The following RAB6A variants were observed in gnomAD, a reference collection of about 807,000 sequenced individuals.
RAB6A encodes the protein RAB6A, member RAS oncogene family.
RAB6A carries 8 observed loss-of-function variants against 32.3 expected under a neutral mutation model. That is an observed-to-expected ratio of 0.25 (90% CI 0.15 to 0.45). The LOEUF (loss-of-function observed/expected upper bound fraction) is 0.45, where lower values mean the gene tolerates loss of function less well. RAB6A is among the 20% of genes least tolerant of loss of function. RAB6A has a pLI of 1.00. For synonymous variants in RAB6A, 73 were observed against 82.1 expected (o/e 0.89, Z 0.60); for missense variants, 104 against 249.4 (o/e 0.42, Z 3.93).
intron 1 of RAB6A, among the ~76,000 whole-genome samples, chr11:73,753,208 C>T (rs1445257463): frequency 2.0e-5 from 3 of 152,144 alleles, no homozygotes; most frequent in African/African-American, 7.2e-5. Flanking sequence ...TATAATGGCA[C>T]CCCTGTACTG....
intron 6 of RAB6A, among the ~76,000 whole-genome samples, chr11:73,687,413 G>T (rs1945476632): frequency 6.6e-6 from 1 of 152,164 alleles, no homozygotes; most frequent in African/African-American, 2.4e-5. Context: ...CAAACTCTTG[G>T]GCTCAAGCAA....
rs929469291 is a variant in RAB6A, at chr11:73,677,324, G to C, written c.*574C>G. On this transcript the variant is annotated 3_prime_UTR_variant, in exon 8 of 8. Transcript: ENST00000336083. ...TCAAAGAAGACCGTAATTTATATCA[G>C]TGCTCAAGAATAATTTTGGACATCT... 3 of 169,834 alleles carry C rather than the reference G, an allele frequency of 1.8e-5. No individual in the cohort carries two copies. The highest frequency in any genetic ancestry group is 7.2e-5 in the African/African-American group (3 of 41,494). 10.5% of individuals were successfully genotyped at this position (169,834 alleles called of 1,614,324 possible).
intron 5 of RAB6A, among the ~76,000 whole-genome samples, chr11:73,708,806 C>T (rs952768488): frequency 6.6e-6 from 1 of 152,126 alleles, no homozygotes; most frequent in Non-Finnish European, 1.5e-5. Context: ...TGCAAGTGTG[C>T]CCTTATATCC....
At chr11:73,745,553 T>C (rs928487945) in intron 1 of RAB6A, among the ~76,000 whole-genome samples, 33 of 152,192 alleles carry the variant, frequency 2.2e-4, no homozygotes, top group African/African-American at 5.3e-4. Flanking sequence ...GAGACCAGCC[T>C]GACCAACATG....
Position 73,722,327 on chromosome 11 carries a change from ATATATATATATATATATTTTTTTTT to A in RAB6A, c.130-1453_130-1429del, listed in dbSNP as rs1167422044. ...TGTGTATATATATATATATATATAT[ATATATATATATATATATTTTTTTTT>A]TTTTTTTTTTTTTTTGAGACAGTCT... On this transcript the variant is annotated intron_variant, in intron 2 of 7. Transcript: ENST00000336083. 3.3e-3 allele frequency: 39 copies of A among 11,966 alleles called. 2 individuals carry two copies. In the East Asian group the frequency reaches 0.051, roughly 16 times the overall value. 0.7% of individuals were successfully genotyped at this position (11,966 alleles called of 1,614,324 possible).
intron 2 of RAB6A, among the ~76,000 whole-genome samples, chr11:73,724,950 A>G (rs1015761749): frequency 6.6e-6 from 1 of 152,228 alleles, no homozygotes; most frequent in Non-Finnish European, 1.5e-5. Context: ...TGCCTGATAT[A>G]TAACAAAAAC....
intron 2 of RAB6A, among the ~76,000 whole-genome samples, chr11:73,724,498 T>G (rs1366137662): frequency 6.6e-6 from 1 of 150,446 alleles, no homozygotes; most frequent in Non-Finnish European, 1.5e-5. Flanking sequence ...TTTTTTTTTT[T>G]TTTTTGAGAC....
At chr11:73,710,830 C>T (rs550431654) in intron 5 of RAB6A, among the ~76,000 whole-genome samples, 1 of 151,736 alleles carries the variant, frequency 6.6e-6, no homozygotes, top group South Asian at 2.1e-4. Flanking sequence ...CTCACTGTAA[C>T]CTCGAACTCC....
intron 2 of RAB6A, among the ~76,000 whole-genome samples, chr11:73,727,641 A>C (rs1218556029): frequency 1.3e-5 from 2 of 152,202 alleles, no homozygotes; most frequent in Non-Finnish European, 2.9e-5. Flanking sequence ...TAAAAAAGAA[A>C]TGCCCATGTT....
intron 6 of RAB6A, among the ~76,000 whole-genome samples, chr11:73,700,561 G>C (rs1055841848): frequency 2.4e-5 from 3 of 126,834 alleles, no homozygotes; most frequent in African/African-American, 9.0e-5. Context: ...TCCAGCCTGG[G>C]TGACAGAGCA....
rs189682673 is a variant in RAB6A at position 73,704,577 on chromosome 11, C to T, written c.495+2843G>A. ...GCGCTCGACTGTAGTCCCAGCTACT[C>T]GGGAGGCTGCGGCAGGAGAATCACT... On this transcript the variant is annotated intron_variant, in intron 6 of 7. Transcript: ENST00000336083. Among the ~76,000 whole-genome samples the T allele has an allele frequency of 9.1e-3, 1,387 of 151,640 alleles. 14 individuals carry two copies. Among genetic ancestry groups the T allele is most frequent in the Middle Eastern group, 0.034 (10 of 294 alleles).
chr11:73,713,565 CA>C (rs61588604), intron 5 of RAB6A, among the ~76,000 whole-genome samples: 78,826 of 124,686 alleles, frequency 0.63, 22,657 homozygotes, highest in East Asian at 0.73. Context: ...GACTCCGTCT[CA>C]AAAAAAAAAA....
intron 6 of RAB6A, among the ~76,000 whole-genome samples, chr11:73,682,621 C>A (rs1218911762): frequency 1.3e-5 from 2 of 152,092 alleles, no homozygotes; most frequent in Non-Finnish European, 2.9e-5. Context: ...CAAGATGGTG[C>A]CACTGCACTC....
At chr11:73,734,068 C>G (rs1017865131) in intron 1 of RAB6A, among the ~76,000 whole-genome samples, 1 of 152,096 alleles carries the variant, frequency 6.6e-6, no homozygotes, top group Non-Finnish European at 1.5e-5. Flanking sequence ...GGGCACTTCA[C>G]CTTGTGAAGT....
At position 73,711,713 on chromosome 11, in the gene RAB6A, T is replaced by C. The variant is rs77312316; in HGVS notation, c.402-4200A>G. Among the ~76,000 whole-genome samples, 292 of 152,338 alleles carry C rather than the reference T, an allele frequency of 1.9e-3. 1 individual carries two copies. Among genetic ancestry groups the C allele is most frequent in the African/African-American group, 6.4e-3 (268 of 41,582 alleles). On this transcript the variant is annotated intron_variant, in intron 5 of 7. Coordinates refer to ENST00000336083, the MANE Select transcript of RAB6A (RefSeq NM_198896.2). ...CCAAAAATCAACTCTCTCTCCTCCATAGGAGTATTACCATTCTGCATTGCC... is the reference window on the plus strand; with the variant it reads ...CCAAAAATCAACTCTCTCTCCTCCACAGGAGTATTACCATTCTGCATTGCC...
At chr11:73,681,792 G>C (rs181459527) in intron 6 of RAB6A, among the ~76,000 whole-genome samples, 11 of 152,144 alleles carry the variant, frequency 7.2e-5, no homozygotes, top group African/African-American at 1.9e-4. Context: ...CTGGGCGACA[G>C]AGCAAGACTC....
chr11:73,675,849 T>G lies in RAB6A; in HGVS notation c.*2049A>C, dbSNP rs918337806. ...CAGTGTAGGAAGACAATCACACCCA[T>G]GTCAGAAGTCACAACTTCTTCCAAA... On this transcript the variant is annotated 3_prime_UTR_variant, in exon 8 of 8. Coordinates refer to ENST00000336083, the MANE Select transcript of RAB6A (RefSeq NM_198896.2). 6.0e-6 allele frequency: 1 copy of G among 167,088 alleles called. No individual in the cohort carries two copies. Among genetic ancestry groups the G allele is most frequent in the Non-Finnish European group, 1.5e-5 (1 of 68,114 alleles). The allele number at this position is 167,088 out of a possible 1,614,324, so 10.4% of individuals were successfully genotyped here.
intron 3 of RAB6A, among the ~76,000 whole-genome samples, chr11:73,719,528 T>C (rs1239522917): frequency 6.6e-6 from 1 of 152,208 alleles, no homozygotes; most frequent in Non-Finnish European, 1.5e-5. Context: ...TGTCTTTACG[T>C]ACTATCCATA....
chr11:73,727,637 A>T (rs967960508), intron 2 of RAB6A, among the ~76,000 whole-genome samples: 1 of 152,234 alleles, frequency 6.6e-6, no homozygotes, highest in African/African-American at 2.4e-5. Context: ...TTCCTAAAAA[A>T]GAAATGCCCA....
Sources: allele counts gnomAD v4.1 joint callset (sites outside exome capture counted in the v4.1 genomes callset), GRCh38; gene constraint gnomAD v4.1.1; transcripts MANE v1.5; gene names NCBI Gene and HGNC (gene_info 2026-07-23, HGNC 2026-07-21).